AGAP1: variants seen among roughly 807,000 people sequenced by gnomAD.
AGAP1 encodes the protein arf-GAP with GTPase, ANK repeat and PH domain-containing protein 1.
A neutral mutation model predicts 105.3 loss-of-function variants in AGAP1; 29 were observed. The observed-to-expected ratio is 0.28, with a 90% CI of 0.21 to 0.38. The LOEUF (loss-of-function observed/expected upper bound fraction) is 0.38. Among genes scored for constraint, AGAP1 ranks in the 10% least tolerant of loss-of-function variants. The pLI, the probability that AGAP1 is intolerant of heterozygous loss-of-function variation, is 1.00. For synonymous variants in AGAP1, 509 were observed against 485.9 expected (o/e 1.05, Z -0.63); for missense variants, 998 against 1,165.1 (o/e 0.86, Z 2.09).
intron 16 of AGAP1, among the ~76,000 whole-genome samples, chr2:236,067,083 G>A (rs2058365098): frequency 6.6e-6 from 1 of 151,074 alleles, no homozygotes; most frequent in Admixed American, 6.6e-5. Context: ...TGTACTCTGT[G>A]TAGATCTGCT....
In AGAP1 at chr2:235,494,678, G is replaced by T; in HGVS notation, c.-9G>T. Reference sequence around the variant, plus strand: ...GGGGGCGCGCGGCTCCGGGCGCGGCGCCTGCACCATGAACTACCAGCAGCA... The same window carrying T: ...GGGGGCGCGCGGCTCCGGGCGCGGCTCCTGCACCATGAACTACCAGCAGCA... On this transcript the variant is annotated 5_prime_UTR_variant, in exon 1 of 18. Transcript: ENST00000304032. 4.8e-6 allele frequency: 7 copies of T among 1,446,932 alleles called. No individual in the cohort carries two copies. Among genetic ancestry groups the T allele is most frequent in the Non-Finnish European group, 6.4e-6 (7 of 1,085,684 alleles). 89.6% of individuals were successfully genotyped at this position (1,446,932 alleles called of 1,614,324 possible). A position where few individuals can be genotyped will look rare whatever the true frequency, so the allele number is the denominator to read the frequency against.
rs1309474762 is a variant in AGAP1, at chr2:235,733,724, G to A, written c.311-7239G>A. On this transcript the variant is annotated intron_variant, in intron 3 of 17. Transcript: ENST00000304032. The surrounding 1 kb of genome is among the most constrained non-coding windows in gnomAD (Gnocchi z 5.0). ...GTGTTAAGTGCTCACTTCACTGCGG[G>A]TCAGAACCCCGGAGTGTTTCACCCA... Among the ~76,000 whole-genome samples the A allele has an allele frequency of 1.3e-5, 2 of 152,132 alleles. No homozygotes were observed. Among genetic ancestry groups the A allele is most frequent in the African/African-American group, 4.8e-5 (2 of 41,432 alleles).
chr2:235,679,770 C>G (rs1948961445), intron 1 of AGAP1, among the ~76,000 whole-genome samples: 1 of 152,174 alleles, frequency 6.6e-6, no homozygotes, highest in Admixed American at 6.5e-5. Context: ...AATCTGTGCT[C>G]TTGAGATTTT....
At chr2:235,602,082 G>A (rs145546934) in intron 1 of AGAP1, among the ~76,000 whole-genome samples, 1 of 152,332 alleles carries the variant, frequency 6.6e-6, no homozygotes, top group East Asian at 1.9e-4. Flanking sequence ...CGCAGAGCAG[G>A]CACTGGCAAA....
chr2:235,726,216 G>A (rs1951637161), intron 3 of AGAP1, among the ~76,000 whole-genome samples: 1 of 152,164 alleles, frequency 6.6e-6, no homozygotes, highest in African/African-American at 2.4e-5. Flanking sequence ...GCGCCCTAAA[G>A]AGGACAAGCC....
Position 235,888,090 on chromosome 2 carries a change from A to G in AGAP1, c.1155+4641A>G, listed in dbSNP as rs560503148. On this transcript the variant is annotated intron_variant, in intron 10 of 17. Coordinates refer to ENST00000304032, the MANE Select transcript of AGAP1 (RefSeq NM_001037131.3). This position sits in a 1 kb window ranked among gnomAD's most constrained non-coding sequence, Gnocchi z 4.8. ...ACCAGCCTCCTTCCATTTGCTTATC[A>G]TGTTAAATTCAGGGAGCTGGGGAGA... 8.1e-4 allele frequency among the ~76,000 whole-genome samples: 123 copies of G among 152,244 alleles called. No individual in the cohort carries two copies. The highest frequency in any genetic ancestry group is 2.7e-3 in the African/African-American group (113 of 41,562).
In AGAP1 at chr2:235,596,128, A is replaced by C. The variant is rs1479122797; in HGVS notation, c.163+101279A>C. ...CTTTCCATGGAAATCACCCATAAGC[A>C]CAGCCTTCAGTCTAACTTCATGTCA... On this transcript the variant is annotated intron_variant, in intron 1 of 17. Coordinates refer to ENST00000304032, the MANE Select transcript of AGAP1 (RefSeq NM_001037131.3). The surrounding 1 kb of genome is among the most constrained non-coding windows in gnomAD (Gnocchi z 5.9). 6.6e-6 allele frequency among the ~76,000 whole-genome samples: 1 copy of C among 152,198 alleles called. No homozygotes were observed. The highest frequency in any genetic ancestry group is 2.4e-5 in the African/African-American group (1 of 41,462).
chr2:235,748,697 G>A (rs559615284), intron 5 of AGAP1, among the ~76,000 whole-genome samples: 2 of 152,204 alleles, frequency 1.3e-5, no homozygotes, highest in Admixed American at 6.5e-5. Flanking sequence ...AATTCCTCAG[G>A]ACATCACTTT....
chr2:235,818,324 G>A (rs757916330), intron 9 of AGAP1, among the ~76,000 whole-genome samples: 4 of 152,192 alleles, frequency 2.6e-5, no homozygotes, highest in South Asian at 2.1e-4. Context: ...ATAGCTCCAC[G>A]TGAGTGGAAG....
rs112376073 is a variant in AGAP1 at position 235,961,929 on chromosome 2, G to A, written c.1484-6533G>A. Among the ~76,000 whole-genome samples, 8,633 of 152,240 alleles carry A rather than the reference G, an allele frequency of 0.057. 809 individuals are homozygous for A. The highest frequency in any genetic ancestry group is 0.2 in the African/African-American group (8,228 of 41,508). On this transcript the variant is annotated intron_variant, in intron 12 of 17. Transcript: ENST00000304032. This position sits in a 1 kb window ranked among gnomAD's most constrained non-coding sequence, Gnocchi z 5.9. Reference sequence around the variant, plus strand: ...TAGTGCCGGGTGCTGGGTGAGCGAGGGTGGGTGAGCATCCATTTCCCAGGG... The same window carrying A: ...TAGTGCCGGGTGCTGGGTGAGCGAGAGTGGGTGAGCATCCATTTCCCAGGG...
intron 9 of AGAP1, among the ~76,000 whole-genome samples, chr2:235,840,978 C>G (rs1960762598): frequency 6.6e-6 from 1 of 152,002 alleles, no homozygotes; most frequent in Non-Finnish European, 1.5e-5. Flanking sequence ...ACTTGAGAGA[C>G]TGTTCTCCTA....
At chr2:236,099,107 G>A (rs952987905) in intron 16 of AGAP1, among the ~76,000 whole-genome samples, 2 of 152,010 alleles carry the variant, frequency 1.3e-5, no homozygotes, top group Admixed American at 6.5e-5. Flanking sequence ...AGGGTGGGCC[G>A]GGGGGACTTC....
In AGAP1 at chr2:235,690,637, C is replaced by T. The variant is rs999933396; in HGVS notation, c.164-18542C>T. On this transcript the variant is annotated intron_variant, in intron 1 of 17. Coordinates refer to ENST00000304032, the MANE Select transcript of AGAP1 (RefSeq NM_001037131.3). The surrounding 1 kb of genome is among the most constrained non-coding windows in gnomAD (Gnocchi z 4.1). ...AGAGCGTCTGCTTGAGGAGCTCTGA[C>T]GGGCTGGGCAGCCAGTGCTCCTGGC... Among the ~76,000 whole-genome samples the T allele has an allele frequency of 4.6e-5, 7 of 152,186 alleles. No homozygotes were observed. The highest frequency in any genetic ancestry group is 8.8e-5 in the Non-Finnish European group (6 of 68,008).
intron 1 of AGAP1, among the ~76,000 whole-genome samples, chr2:235,630,974 C>T (rs1030179979): frequency 6.6e-6 from 1 of 152,150 alleles, no homozygotes; most frequent in Non-Finnish European, 1.5e-5. Flanking sequence ...GGGCAGATTG[C>T]GGAAGCATAT....
Position 235,960,047 on chromosome 2 carries a change from G to T in AGAP1, c.1484-8415G>T, listed in dbSNP as rs1018044943. ...GCAGGAGAACGCAGTGGGCAGAGACGCACCCTGCCCTGCCTGCAGCATGGC... is the reference window on the plus strand; with the variant it reads ...GCAGGAGAACGCAGTGGGCAGAGACTCACCCTGCCCTGCCTGCAGCATGGC... On this transcript the variant is annotated intron_variant, in intron 12 of 17. Coordinates refer to ENST00000304032, the MANE Select transcript of AGAP1 (RefSeq NM_001037131.3). This position sits in a 1 kb window ranked among gnomAD's most constrained non-coding sequence, Gnocchi z 4.9. Among the ~76,000 whole-genome samples the T allele has an allele frequency of 6.6e-6, 1 of 152,142 alleles. No homozygotes were observed. The highest frequency in any genetic ancestry group is 1.5e-5 in the Non-Finnish European group (1 of 68,008).
Position 236,051,627 on chromosome 2 carries a change from G to A in AGAP1, c.2114+2346G>A, listed in dbSNP as rs551179523. On this transcript the variant is annotated intron_variant, in intron 16 of 17. Transcript: ENST00000304032. This position sits in a 1 kb window ranked among gnomAD's most constrained non-coding sequence, Gnocchi z 5.9. ...AGCCTCCCATGAATGAGGAGGAGCA[G>A]GAATGGGGGAGGCCCAAAGAGCAGA... 6.6e-6 allele frequency among the ~76,000 whole-genome samples: 1 copy of A among 152,308 alleles called. No homozygotes were observed. Among genetic ancestry groups the A allele is most frequent in the South Asian group, 2.1e-4 (1 of 4,822 alleles).
At chr2:235,648,961 C>G (rs192284577) in intron 1 of AGAP1, among the ~76,000 whole-genome samples, 1 of 152,132 alleles carries the variant, frequency 6.6e-6, no homozygotes, top group Non-Finnish European at 1.5e-5. Context: ...CCTGTACCCC[C>G]GCCAAAGCCA....
At chr2:235,948,851 T>C (rs2053610529) in intron 12 of AGAP1, among the ~76,000 whole-genome samples, 1 of 152,108 alleles carries the variant, frequency 6.6e-6, no homozygotes, top group Non-Finnish European at 1.5e-5. Flanking sequence ...CCCAATTCAA[T>C]ACAGAGCAGC....
rs1441523082 is a variant in AGAP1 at position 235,665,297 on chromosome 2, T to C, written c.164-43882T>C. ...AAAAACACAGGAAGGATGCAGGTGC[T>C]CAGAGGACCTTCTGGGGTCTTTTTT... On this transcript the variant is annotated intron_variant, in intron 1 of 17. Coordinates refer to ENST00000304032, the MANE Select transcript of AGAP1 (RefSeq NM_001037131.3). The surrounding 1 kb of genome is among the most constrained non-coding windows in gnomAD (Gnocchi z 5.3). Among the ~76,000 whole-genome samples the C allele has an allele frequency of 1.3e-5, 2 of 152,202 alleles. No homozygotes were observed. Among genetic ancestry groups the C allele is most frequent in the African/African-American group, 4.8e-5 (2 of 41,460 alleles).
Sources: allele counts gnomAD v4.1 joint callset (sites outside exome capture counted in the v4.1 genomes callset), GRCh38; gene constraint gnomAD v4.1.1; non-coding constraint Gnocchi (gnomAD v3.1); transcripts MANE v1.5; gene names NCBI Gene and HGNC (gene_info 2026-07-23, HGNC 2026-07-21).